Variants in NPAS3 observed in about 807,000 individuals in gnomAD.
NPAS3 encodes the protein neuronal PAS domain-containing protein 3.
A neutral mutation model predicts 73.1 loss-of-function variants in NPAS3; 14 were observed. The observed-to-expected ratio is 0.19, with a 90% confidence interval of 0.13 to 0.30. The LOEUF is 0.30. Among genes scored for constraint, NPAS3 ranks in the 10% least tolerant of loss-of-function variants. NPAS3 has a pLI of 1.00. For missense variants in NPAS3, 1,096 were observed against 1,250.0 expected (o/e 0.88, Z 1.86); for synonymous variants, 620 against 541.5 (o/e 1.14, Z -2.01).
At chr14:33,121,719 T>C (rs2043237277) in intron 2 of NPAS3, among the ~76,000 whole-genome samples, 1 of 152,036 alleles carries the variant, frequency 6.6e-6, no homozygotes, top group African/African-American at 2.4e-5. Flanking sequence ...AAAGTATAAT[T>C]GAAAGACACA....
chr14:33,209,116 TAAAG>T (rs2046937551), intron 2 of NPAS3, among the ~76,000 whole-genome samples: 2 of 152,326 alleles, frequency 1.3e-5, no homozygotes, highest in Non-Finnish European at 2.9e-5. Flanking sequence ...CTTTACACCT[TAAAG>T]AAGATTTCTG....
chr14:33,544,892 T>C (rs1448296495), intron 4 of NPAS3, among the ~76,000 whole-genome samples: 1 of 143,650 alleles, frequency 7.0e-6, no homozygotes, highest in Admixed American at 7.1e-5. Flanking sequence ...TATGTATATA[T>C]TGTGGTATGT....
chr14:33,057,480 A>T (rs1212584589), intron 2 of NPAS3, among the ~76,000 whole-genome samples: 3 of 152,238 alleles, frequency 2.0e-5, no homozygotes, highest in Admixed American at 2.0e-4. Flanking sequence ...ATTACTGACC[A>T]TTCAAATAAG....
chr14:33,544,825 A>ATTATATATATATATAAAAT (rs2054747108), intron 4 of NPAS3, among the ~76,000 whole-genome samples: 13 of 112,192 alleles, frequency 1.2e-4, no homozygotes, highest in African/African-American at 5.3e-4. Flanking sequence ...TATATAATAT[A>ATTATATATATATATAAAAT]TATGTGTATA....
chr14:33,258,266 A>G (rs2048848742), intron 3 of NPAS3, among the ~76,000 whole-genome samples: 1 of 152,134 alleles, frequency 6.6e-6, no homozygotes, highest in African/African-American at 2.4e-5. Flanking sequence ...GTGTGTTGGC[A>G]CACACCTGTA....
intron 7 of NPAS3, 59 bp downstream of exon 7, chr14:33,735,391 A>G (rs980373439): frequency 4.3e-5 from 52 of 1,216,682 alleles, no homozygotes; most frequent in Non-Finnish European, 6.0e-5. Flanking sequence ...GGTAATTTGC[A>G]TTGAATTTTC....
intron 2 of NPAS3, among the ~76,000 whole-genome samples, chr14:33,192,115 T>A (rs1018698671): frequency 2.0e-5 from 3 of 152,168 alleles, no homozygotes; most frequent in African/African-American, 7.2e-5. Flanking sequence ...TTTTGGACAT[T>A]GAACTCTGGC....
chr14:33,160,782 T>TC (rs909031608), intron 2 of NPAS3, among the ~76,000 whole-genome samples: 40 of 151,898 alleles, frequency 2.6e-4, no homozygotes, highest in Non-Finnish European at 5.6e-4. Flanking sequence ...TTGGGTGAAG[T>TC]CAGCGCTCAG....
chr14:33,674,953 C>G (rs1288868499), intron 5 of NPAS3, among the ~76,000 whole-genome samples: 1 of 152,208 alleles, frequency 6.6e-6, no homozygotes. Flanking sequence ...GTTTTTCCAC[C>G]GCCAGTCTTC....
intron 3 of NPAS3, among the ~76,000 whole-genome samples, chr14:33,245,627 C>G (rs548756842): frequency 6.6e-6 from 1 of 152,140 alleles, no homozygotes; most frequent in Non-Finnish European, 1.5e-5. Flanking sequence ...TGGATATGCT[C>G]TATCCACCCT....
intron 4 of NPAS3, among the ~76,000 whole-genome samples, chr14:33,413,801 A>G (rs912149159): frequency 2.6e-5 from 4 of 152,096 alleles, no homozygotes; most frequent in African/African-American, 9.7e-5. Flanking sequence ...TCTAAATTCT[A>G]CCCTCAGCTA....
chr14:32,945,661 C>CA (rs753685431), intron 1 of NPAS3, among the ~76,000 whole-genome samples: 1 of 152,178 alleles, frequency 6.6e-6, no homozygotes, highest in African/African-American at 2.4e-5. Flanking sequence ...GAGCCAATAT[C>CA]AGAGAGTTCC....
At chr14:33,738,932 G>A (rs2061591040) in intron 7 of NPAS3, among the ~76,000 whole-genome samples, 1 of 152,182 alleles carries the variant, frequency 6.6e-6, no homozygotes, top group African/African-American at 2.4e-5. Context: ...GAGAAGGGAA[G>A]ACTAATTGGG....
chr14:33,341,804 A>C (rs968690994), intron 3 of NPAS3, among the ~76,000 whole-genome samples: 3 of 152,226 alleles, frequency 2.0e-5, no homozygotes, highest in African/African-American at 7.2e-5. Flanking sequence ...GGTCCATAAA[A>C]GGTAAGAAAT....
At chr14:33,318,143 A>T (rs963949964) in intron 3 of NPAS3, among the ~76,000 whole-genome samples, 2 of 152,112 alleles carry the variant, frequency 1.3e-5, no homozygotes, top group African/African-American at 4.8e-5. Flanking sequence ...ATATACGTAC[A>T]AGGGAATATT....
intron 7 of NPAS3, among the ~76,000 whole-genome samples, chr14:33,749,047 A>T (rs2061884523): frequency 6.6e-6 from 1 of 152,184 alleles, no homozygotes; most frequent in African/African-American, 2.4e-5. Flanking sequence ...TGTAATTTTT[A>T]GGGAGGGGTC....
At chr14:33,499,142 A>G (rs568278363) in intron 4 of NPAS3, among the ~76,000 whole-genome samples, 30 of 152,052 alleles carry the variant, frequency 2.0e-4, no homozygotes, top group Non-Finnish European at 4.3e-4. Flanking sequence ...AAATTAGTTA[A>G]AACTTAGTTA....
chr14:33,629,739 T>C (rs1195143662), intron 5 of NPAS3, among the ~76,000 whole-genome samples: 3 of 151,614 alleles, frequency 2.0e-5, no homozygotes, highest in Non-Finnish European at 4.4e-5. Flanking sequence ...CAGCCATTTG[T>C]TTTTCTATTT....
chr14:33,474,895 G>A (rs2050948393), intron 4 of NPAS3, among the ~76,000 whole-genome samples: 1 of 152,148 alleles, frequency 6.6e-6, no homozygotes, highest in South Asian at 2.1e-4. Flanking sequence ...CATTTTTAGT[G>A]CATTTAAACT....
Sources: allele counts gnomAD v4.1 joint callset (sites outside exome capture counted in the v4.1 genomes callset), GRCh38; gene constraint gnomAD v4.1.1; transcripts MANE v1.5; gene names NCBI Gene and HGNC (gene_info 2026-07-23, HGNC 2026-07-21).